SPAG16: variants seen among roughly 807,000 people sequenced by gnomAD.
SPAG16 encodes the protein sperm associated antigen 16, also known as sperm-associated antigen 16 protein.
A neutral mutation model predicts 80.4 loss-of-function variants in SPAG16; 86 were observed. The ratio of observed to expected loss-of-function variants is 1.07; its 90% confidence interval spans 0.90 to 1.28. The LOEUF is 1.28. Ranked by LOEUF, SPAG16 falls within the 50% of genes most tolerant of loss-of-function variation. SPAG16 has a pLI of 0.00. For missense variants in SPAG16, 870 were observed against 765.3 expected, an observed-to-expected ratio of 1.14 and a Z score of -1.61; for synonymous variants, 294 against 265.9, an observed-to-expected ratio of 1.11 and a Z score of -1.03.
intron 11 of SPAG16, among the ~76,000 whole-genome samples, chr2:213,879,878 C>G (rs144214300): frequency 2.6e-5 from 4 of 152,272 alleles, no homozygotes; most frequent in African/African-American, 9.6e-5. Flanking sequence ...TTTATCCAAT[C>G]CACCGTTGGT....
intron 15 of SPAG16, among the ~76,000 whole-genome samples, chr2:214,184,596 G>C (rs1278779218): frequency 6.6e-6 from 1 of 152,032 alleles, no homozygotes; most frequent in Non-Finnish European, 1.5e-5. Flanking sequence ...ACTTAAGGGG[G>C]AATCTGCAAA....
intron 13 of SPAG16, among the ~76,000 whole-genome samples, chr2:214,081,363 A>G (rs1225075613): frequency 2.0e-5 from 3 of 152,168 alleles, no homozygotes. Flanking sequence ...GTGGTACAGA[A>G]TTGGGAATAA....
At position 214,351,150 on chromosome 2, in the gene SPAG16, G is replaced by C. The variant is rs1279581832; in HGVS notation, c.1721-58990G>C. 2.6e-5 allele frequency among the ~76,000 whole-genome samples: 4 copies of C among 152,166 alleles called. No individual in the cohort carries two copies. In the East Asian group the frequency reaches 7.7e-4, roughly 29 times the overall value. ...TCCTTCCGTGACTAGAAAACCTATGGGGTTTAATATTTAATGTAAGGGCTG... is the reference window on the plus strand; with the variant it reads ...TCCTTCCGTGACTAGAAAACCTATGCGGTTTAATATTTAATGTAAGGGCTG... On this transcript the variant is annotated intron_variant, in intron 15 of 15. Coordinates refer to ENST00000331683, the MANE Select transcript of SPAG16 (RefSeq NM_024532.5).
chr2:213,475,761 G>C (rs2073339652), intron 9 of SPAG16, among the ~76,000 whole-genome samples: 1 of 152,140 alleles, frequency 6.6e-6, no homozygotes, highest in Non-Finnish European at 1.5e-5. Flanking sequence ...AAATACACTG[G>C]AGTAATGGTA....
chr2:213,814,998 A>G (rs545158164), intron 10 of SPAG16, among the ~76,000 whole-genome samples: 1 of 152,208 alleles, frequency 6.6e-6, no homozygotes, highest in Non-Finnish European at 1.5e-5. Flanking sequence ...AATAATCAGC[A>G]GAATATATAA....
intron 10 of SPAG16, among the ~76,000 whole-genome samples, chr2:213,635,747 T>C (rs2062337748): frequency 6.6e-6 from 1 of 152,232 alleles, no homozygotes; most frequent in African/African-American, 2.4e-5. Context: ...ACCATTTGTA[T>C]ATCTTCTTTT....
At chr2:213,835,525 C>T (rs930672445) in intron 10 of SPAG16, among the ~76,000 whole-genome samples, 6 of 152,158 alleles carry the variant, frequency 3.9e-5, no homozygotes, top group South Asian at 4.1e-4. Flanking sequence ...AGAATCCATG[C>T]TAACACATTA....
intron 14 of SPAG16, among the ~76,000 whole-genome samples, chr2:214,141,218 C>A (rs1209092799): frequency 1.3e-5 from 2 of 152,066 alleles, no homozygotes; most frequent in African/African-American, 4.8e-5. Flanking sequence ...CCCGTAATCC[C>A]AGCACTTTGG....
At chr2:213,400,966 C>A (rs1054300973) in intron 9 of SPAG16, among the ~76,000 whole-genome samples, 1 of 152,136 alleles carries the variant, frequency 6.6e-6, no homozygotes, top group Non-Finnish European at 1.5e-5. Context: ...CACCACCACA[C>A]CTGGCTAATT....
chr2:213,319,805 C>T (rs774180607), intron 5 of SPAG16, among the ~76,000 whole-genome samples: 4 of 151,786 alleles, frequency 2.6e-5, no homozygotes, highest in South Asian at 2.1e-4. Flanking sequence ...AGCAATAATA[C>T]GAAATAACAT....
intron 15 of SPAG16, among the ~76,000 whole-genome samples, chr2:214,214,057 A>G (rs1283656826): frequency 6.6e-6 from 1 of 152,044 alleles, no homozygotes; most frequent in Non-Finnish European, 1.5e-5. Flanking sequence ...ATTCCATCGC[A>G]TGTGTCCTAT....
chr2:213,862,341 C>T, intron 10 of SPAG16, 144 bp from the exon 11 acceptor site: 4 of 961,600 alleles, frequency 4.2e-6, no homozygotes, highest in Non-Finnish European at 6.2e-6. Context: ...GATGCAGAAC[C>T]TGCTTCCTCT....
At chr2:214,214,930 G>A (rs2058388906) in intron 15 of SPAG16, among the ~76,000 whole-genome samples, 1 of 151,220 alleles carries the variant, frequency 6.6e-6, no homozygotes, top group Non-Finnish European at 1.5e-5. Flanking sequence ...GGTCACCAGA[G>A]CCTAAGGTTC....
chr2:214,087,081 G>T (rs1296531781), intron 13 of SPAG16, among the ~76,000 whole-genome samples: 4 of 151,932 alleles, frequency 2.6e-5, no homozygotes, highest in Admixed American at 2.0e-4. Flanking sequence ...CCTTTACTCA[G>T]TTCTGTCTTG....
At chr2:214,024,789 T>C (rs916785293) in intron 13 of SPAG16, among the ~76,000 whole-genome samples, 7 of 151,618 alleles carry the variant, frequency 4.6e-5, no homozygotes, top group African/African-American at 1.4e-4. Flanking sequence ...AGAAAAACTA[T>C]GTTTTTTTGA....
At chr2:213,470,420 C>T (rs1290413126) in intron 9 of SPAG16, among the ~76,000 whole-genome samples, 1 of 152,168 alleles carries the variant, frequency 6.6e-6, no homozygotes, top group Non-Finnish European at 1.5e-5. Context: ...GCATTGTGGG[C>T]AGGATACACA....
At chr2:213,360,851 A>T (rs1444933530) in intron 7 of SPAG16, among the ~76,000 whole-genome samples, 1 of 152,166 alleles carries the variant, frequency 6.6e-6, no homozygotes, top group Non-Finnish European at 1.5e-5. Context: ...TCAACGTTTG[A>T]TGCAGTTACG....
At chr2:213,465,897 C>T (rs546604217) in intron 9 of SPAG16, among the ~76,000 whole-genome samples, 2 of 152,090 alleles carry the variant, frequency 1.3e-5, no homozygotes, top group Non-Finnish European at 2.9e-5. Flanking sequence ...AGTATTGTTC[C>T]TGGGTGTGTG....
At chr2:213,638,663 A>G (rs2062463191) in intron 10 of SPAG16, among the ~76,000 whole-genome samples, 1 of 152,106 alleles carries the variant, frequency 6.6e-6, no homozygotes, top group South Asian at 2.1e-4. Flanking sequence ...GTGGCCTATG[A>G]TATGTCCTAT....
Sources: allele counts gnomAD v4.1 joint callset (sites outside exome capture counted in the v4.1 genomes callset), GRCh38; gene constraint gnomAD v4.1.1; transcripts MANE v1.5; gene names NCBI Gene and HGNC (gene_info 2026-07-23, HGNC 2026-07-21).